The following EIF3D variants were observed in gnomAD, a reference collection of about 807,000 sequenced individuals.
The protein encoded by EIF3D is eIF3 p66.
Under a neutral mutation model 75.4 loss-of-function variants are expected in EIF3D, and 10 were observed. The ratio of observed to expected loss-of-function variants is 0.13; its 90% CI spans 0.08 to 0.22. EIF3D has a LOEUF of 0.22. EIF3D is among the 10% of genes least tolerant of loss of function. The pLI is 1.00. For missense variants in EIF3D, 394 were observed against 708.0 expected (o/e 0.56, Z 5.03); for synonymous variants, 246 against 248.3 (o/e 0.99, Z 0.09).
At chr22:36,525,834 T>C (rs1934589742) in intron 2 of EIF3D, 125 bp from the exon 3 acceptor site, 3 of 1,451,618 alleles carry the variant, frequency 2.1e-6, no homozygotes, top group East Asian at 2.3e-5. Context: ...AACACCTCTG[T>C]AAGTGCCCAG....
intron 10 of EIF3D, 123 bp from the exon 11 acceptor site, chr22:36,516,913 G>C (rs995066371): frequency 2.4e-5 from 21 of 857,504 alleles, no homozygotes; most frequent in Non-Finnish European, 4.1e-5. Flanking sequence ...CCTTGATGGG[G>C]CTCTGAGCTC....
intron 1 of EIF3D, among the ~76,000 whole-genome samples, chr22:36,527,081 CTGTG>C (rs1426319332): frequency 6.6e-6 from 1 of 152,176 alleles, no homozygotes; most frequent in African/African-American, 2.4e-5. Context: ...AACGCAAATC[CTGTG>C]TGCAGTGCAA....
In EIF3D at chr22:36,512,620, T is replaced by C. The variant is rs200105228; in HGVS notation, c.1207-18A>G. ...TTACAGTGCTGCAGGAGAGCCCCGTTAGAGAAACAGAAGCAAGCTCCAAAT... is the reference window on the plus strand; with the variant it reads ...TTACAGTGCTGCAGGAGAGCCCCGTCAGAGAAACAGAAGCAAGCTCCAAAT... On this transcript the variant is annotated intron_variant, in intron 12 of 14. Transcript: ENST00000216190. 1.6e-5 allele frequency: 25 copies of C among 1,602,886 alleles called. No homozygotes were observed. The highest frequency in any genetic ancestry group is 2.1e-5 in the Non-Finnish European group (25 of 1,171,570).
At chr22:36,516,888 C>A in intron 10 of EIF3D, 98 bp from the exon 11 acceptor site, 2 of 1,181,388 alleles carry the variant, frequency 1.7e-6, no homozygotes, top group South Asian at 1.2e-5. Context: ...GCAGCCCTGG[C>A]CAGGTTCCTG....
chr22:36,523,347 G>A lies in EIF3D; in HGVS notation c.393-66C>T, dbSNP rs7290521. 5.2e-3 allele frequency: 6,451 copies of A among 1,240,530 alleles called. 275 individuals are homozygous for A. In the African/African-American group the frequency reaches 0.088, roughly 17 times the overall value. The allele number at this position is 1,240,530 out of a possible 1,614,324, so 76.8% of individuals were successfully genotyped here. ...CCAGTGGCTTCTTCAAAAGGCACAC[G>A]CTGCCATTCTCTTCAGCTAAACCTT... On this transcript the variant is annotated intron_variant, in intron 5 of 14. Transcript: ENST00000216190.
intron 9 of EIF3D, among the ~76,000 whole-genome samples, chr22:36,518,143 A>T (rs555996658): frequency 1.9e-4 from 29 of 152,302 alleles, no homozygotes; most frequent in African/African-American, 7.0e-4. Context: ...TACAGTAAGC[A>T]AACACTGAAC....
intron 14 of EIF3D, among the ~76,000 whole-genome samples, 172 bp downstream of exon 14, chr22:36,511,331 G>C (rs1439472222): frequency 6.6e-6 from 1 of 152,154 alleles, no homozygotes; most frequent in East Asian, 1.9e-4. Flanking sequence ...CACTTGATGT[G>C]ATCTAAAGGC....
rs1300474499 is a variant in EIF3D, at chr22:36,524,040, G to C, written c.307-60C>G. ...TTGGAGATTTGGCTCACAATAGGCA[G>C]AACAAGTGGGAGGTCTTTGGAGTAA... On this transcript the variant is annotated intron_variant, in intron 4 of 14. Coordinates refer to ENST00000216190, the MANE Select transcript of EIF3D (RefSeq NM_003753.4). 4.6e-6 allele frequency: 7 copies of C among 1,530,622 alleles called. No individual in the cohort carries two copies. The Admixed American group carries it at 8.4e-5, about 18-fold the overall frequency. 94.8% of individuals were successfully genotyped at this position (1,530,622 alleles called of 1,614,324 possible).
At chr22:36,518,494 TAAAAAAAAA>T (rs66811304) in intron 9 of EIF3D, among the ~76,000 whole-genome samples, 29,339 of 144,732 alleles carry the variant, frequency 0.2, 2,914 homozygotes, top group Middle Eastern at 0.35. Context: ...CTGTCTCAAT[TAAAAAAAAA>T]AAAAAACAAC....
At chr22:36,518,482 C>T (rs1403847826) in intron 9 of EIF3D, among the ~76,000 whole-genome samples, 1 of 137,700 alleles carries the variant, frequency 7.3e-6, no homozygotes, top group Non-Finnish European at 1.6e-5. Context: ...GAGTGAGACT[C>T]TCTGTCTCAA....
intron 9 of EIF3D, 59 bp from the exon 10 acceptor site, chr22:36,517,490 A>T (rs1934446674): frequency 1.3e-6 from 2 of 1,545,740 alleles, no homozygotes; most frequent in African/African-American, 2.8e-5. Flanking sequence ...CAATGTGCGC[A>T]GCGCTGTGGG....
rs780742990 is a variant in EIF3D, at chr22:36,511,011, C to CA, written c.1634-12dup. The CA allele has an allele frequency of 1.0e-5, 16 of 1,606,542 alleles. No homozygotes were observed. The highest frequency in any genetic ancestry group is 1.3e-5 in the Non-Finnish European group (15 of 1,177,754). On this transcript the variant is annotated splice_polypyrimidine_tract_variant and intron_variant, in intron 14 of 14. Coordinates refer to ENST00000216190, the MANE Select transcript of EIF3D (RefSeq NM_003753.4). ...TTTAAGTTTCTTCCTCTGAAAGACA[C>CA]AAAAAATGTAAGAGAAATGAGCCAG...
At chr22:36,524,425 T>C (rs1934563326) in intron 4 of EIF3D, among the ~76,000 whole-genome samples, 171 bp downstream of exon 4, 2 of 152,236 alleles carry the variant, frequency 1.3e-5, no homozygotes, top group African/African-American at 4.8e-5. Context: ...TCCCTGATCC[T>C]AGTGCAAGTT....
intron 12 of EIF3D, 61 bp downstream of exon 12, chr22:36,516,417 C>G: frequency 6.3e-7 from 1 of 1,575,048 alleles, no homozygotes; most frequent in Non-Finnish European, 8.7e-7. Context: ...CCTGCGTAAA[C>G]AGGCACTGTA....
chr22:36,528,833 C>T (rs1296435251), intron 1 of EIF3D: 2 of 156,910 alleles, frequency 1.3e-5, no homozygotes, highest in Non-Finnish European at 2.8e-5. Flanking sequence ...CAATCAAATT[C>T]ACCCAGCTCA....
In EIF3D at chr22:36,524,850, C is replaced by T. The variant is rs1934571175; in HGVS notation, c.170-118G>A. The T allele has an allele frequency of 2.3e-6, 3 of 1,313,500 alleles. No individual in the cohort carries two copies. In the South Asian group the frequency reaches 3.9e-5, roughly 17 times the overall value. The allele number at this position is 1,313,500 out of a possible 1,614,324, so 81.4% of individuals were successfully genotyped here. A position where few individuals can be genotyped will look rare whatever the true frequency, so the allele number is the denominator to read the frequency against. The stretch of plus-strand genomic sequence containing the variant: ...TGAGACCTGTAGCATTGGCTGAAAG[C>T]TTGTTAGACACACAGACTCACAGTC... On this transcript the variant is annotated intron_variant, in intron 3 of 14. Coordinates refer to ENST00000216190, the MANE Select transcript of EIF3D (RefSeq NM_003753.4).
chr22:36,512,349 AT>A, intron 13 of EIF3D, 110 bp downstream of exon 13: 1 of 1,471,766 alleles, frequency 6.8e-7, no homozygotes. Flanking sequence ...CCACCCCTGG[AT>A]TTATCTCTGC....
intron 13 of EIF3D, among the ~76,000 whole-genome samples, 160 bp from the exon 14 acceptor site, chr22:36,511,946 A>G (rs1227371986): frequency 6.8e-6 from 1 of 147,100 alleles, no homozygotes; most frequent in Non-Finnish European, 1.5e-5. Context: ...GCTGGAGTGC[A>G]GTGGCGCCAT....
intron 6 of EIF3D, 85 bp from the exon 7 acceptor site, chr22:36,520,773 G>GGCCTGGTGCAGTGGCTCAT: frequency 1.1e-6 from 1 of 934,782 alleles, no homozygotes; most frequent in Non-Finnish European, 1.6e-6. Flanking sequence ...ATGAAGAGCT[G>GGCCTGGTGCAGTGGCTCAT]GCCTGGTGCA....
Sources: allele counts gnomAD v4.1 joint callset (sites outside exome capture counted in the v4.1 genomes callset), GRCh38; gene constraint gnomAD v4.1.1; transcripts MANE v1.5; gene names NCBI Gene and HGNC (gene_info 2026-07-23, HGNC 2026-07-21).